Variants in ABCA4 observed in about 807,000 individuals in gnomAD.
ABCA4 encodes the protein ATP binding cassette subfamily A member 4, also known as retinal-specific phospholipid-transporting ATPase ABCA4.
ABCA4 carries 196 observed loss-of-function variants against 263.7 expected under a neutral mutation model. The observed-to-expected ratio is 0.74, with a 90% CI of 0.66 to 0.84. The LOEUF (loss-of-function observed/expected upper bound fraction) is 0.84, where lower values mean the gene tolerates loss of function less well. Ranked by LOEUF, ABCA4 falls within the 40% of genes least tolerant of loss-of-function variation. The pLI is 0.00. For synonymous variants in ABCA4, 1,133 were observed against 1,094.2 expected (o/e 1.04, Z -0.70); for missense variants, 2,792 against 2,855.1 (o/e 0.98, Z 0.50).
chr1:94,032,530 G>A (rs1009789195), intron 26 of ABCA4, among the ~76,000 whole-genome samples: 2 of 152,114 alleles, frequency 1.3e-5, no homozygotes, highest in African/African-American at 4.8e-5. Flanking sequence ...CAACTACTCG[G>A]GAGGCTGAGG....
chr1:94,095,517 A>C (rs1348279548), intron 6 of ABCA4, among the ~76,000 whole-genome samples: 3 of 152,182 alleles, frequency 2.0e-5, no homozygotes, highest in Non-Finnish European at 2.9e-5. Flanking sequence ...CCCGCACTGC[A>C]GCTAAGCATG....
chr1:94,010,759 C>T, intron 40 of ABCA4, 41 bp downstream of exon 40: 1 of 1,614,010 alleles, frequency 6.2e-7, no homozygotes, highest in Non-Finnish European at 8.5e-7. Flanking sequence ...GTTCTGGATG[C>T]CCTGAGCTGC....
At chr1:94,046,084 TA>T (rs2101055438) in intron 19 of ABCA4, 1 of 379,592 alleles carries the variant, frequency 2.6e-6, no homozygotes, top group Non-Finnish European at 5.2e-6. Context: ...GAACGACCAC[TA>T]ACCCTCATCA....
In ABCA4 at chr1:94,060,779, G is replaced by A; in HGVS notation, c.1938-20C>T. On this transcript the variant is annotated intron_variant, in intron 13 of 49. Transcript: ENST00000370225. ...ATGAAACTAAAGCAAAAGGAGAGAA[G>A]CAGAATAGTAGAGTGCTCTGTACCT... 1 of 1,571,682 alleles carries A rather than the reference G, an allele frequency of 6.4e-7. No individual in the cohort carries two copies.
In ABCA4 at chr1:94,084,046, A is replaced by G. The variant is rs115889731; in HGVS notation, c.769-605T>C. Among the ~76,000 whole-genome samples the G allele has an allele frequency of 3.6e-3, 542 of 152,328 alleles. 2 individuals carry two copies. The highest frequency in any genetic ancestry group is 5.8e-3 in the South Asian group (28 of 4,830). On this transcript the variant is annotated intron_variant, in intron 6 of 49. Transcript: ENST00000370225. ...AGCAGTGTTCAGGAAACCCCAGCCC[A>G]TGTGAACTCACCACTGCTCCTGCTT...
At chr1:94,115,494 G>A (rs1662734762) in intron 1 of ABCA4, among the ~76,000 whole-genome samples, 1 of 152,138 alleles carries the variant, frequency 6.6e-6, no homozygotes. Context: ...TCAGGGTTAA[G>A]AGAAGGTTAC....
intron 23 of ABCA4, among the ~76,000 whole-genome samples, chr1:94,040,365 G>C (rs180872332): frequency 2.0e-5 from 3 of 152,130 alleles, no homozygotes; most frequent in African/African-American, 7.2e-5. Flanking sequence ...AACCTCCAAG[G>C]GTCCCTTTGG....
chr1:94,015,743 A>C lies in ABCA4; in HGVS notation c.5308T>G (p.Tyr1770Asp), dbSNP rs1195430987. The C allele has an allele frequency of 6.2e-7, 1 of 1,613,642 alleles. No homozygotes were observed. Among genetic ancestry groups the C allele is most frequent in the Non-Finnish European group, 8.5e-7 (1 of 1,179,784 alleles). Residue 1770 changes from tyrosine (Y) to aspartate (D), a missense_variant, in exon 37 of 50, where the codon TAT (tyrosine) becomes GAT (aspartate). By Grantham distance (160) the Tyr-to-Asp change is radical (BLOSUM62 -3). Transcript: ENST00000370225. ...CTAATGGCCCAAACGGCTTACCCAT[A>C]CAGCAGGAGCAGTGCCACAAGGGCA... ...LPALVALLLL[Y>D]GWAVIPMMYP...
At chr1:94,120,377 A>G (rs1662915819) in intron 1 of ABCA4, among the ~76,000 whole-genome samples, 2 of 152,184 alleles carry the variant, frequency 1.3e-5, no homozygotes, top group South Asian at 4.1e-4. Context: ...TTAATAACGT[A>G]TTGCATCTCA....
At chr1:94,002,847 T>C (rs1407285976) in intron 44 of ABCA4, among the ~76,000 whole-genome samples, 1 of 152,002 alleles carries the variant, frequency 6.6e-6, no homozygotes, top group Non-Finnish European at 1.5e-5. Flanking sequence ...ACTGGATATT[T>C]TACCTATTTA....
chr1:94,040,653 A>G (rs1557777082), intron 23 of ABCA4, among the ~76,000 whole-genome samples: 2 of 152,230 alleles, frequency 1.3e-5, no homozygotes, highest in African/African-American at 4.8e-5. Flanking sequence ...TGAAGAAGAA[A>G]AAAATACTAA....
intron 14 of ABCA4, chr1:94,059,387 T>G (rs570520654): frequency 6.6e-6 from 1 of 152,296 alleles, no homozygotes; most frequent in South Asian, 2.1e-4. Context: ...ACCTTAGCAT[T>G]TGTCTTGTTA....
chr1:94,007,830 G>T, intron 42 of ABCA4, 90 bp from the exon 43 acceptor site: 1 of 1,276,720 alleles, frequency 7.8e-7, no homozygotes, highest in Non-Finnish European at 1.1e-6. Flanking sequence ...TGAGCTGGGG[G>T]AGGAATTTTA....
rs145614671 is a variant in ABCA4 at position 94,077,784 on chromosome 1, C to G, written c.1460G>C (p.Arg487Pro). The G allele has an allele frequency of 9.9e-6, 16 of 1,614,034 alleles. No individual in the cohort carries two copies. In the African/African-American group the frequency reaches 1.9e-4, roughly 19 times the overall value. Residue 487 changes from arginine (R) to proline (P), a missense_variant, in exon 11 of 50, where the codon CGG becomes CCG. Transcript: ENST00000370225. ...GGCCATGTCGTCAGCCTGGCTTTCC[C>G]GAGGGCCCTTGTAGAGGAAGTTTAG... ...AILNFLYKGP[R>P]ESQADDMANF...
intron 15 of ABCA4, 37 bp from the exon 16 acceptor site, chr1:94,055,352 T>C (rs1279381074): frequency 1.2e-6 from 2 of 1,603,512 alleles, no homozygotes; most frequent in South Asian, 1.1e-5. Context: ...AAAAGAGCAG[T>C]GCCTTTTATC....
intron 6 of ABCA4, among the ~76,000 whole-genome samples, chr1:94,094,979 G>T (rs949659860): frequency 6.6e-6 from 1 of 152,234 alleles, no homozygotes; most frequent in South Asian, 2.1e-4. Context: ...GTGAAGACAA[G>T]CTCCTTCAGG....
chr1:94,081,107 C>A (rs879520430), intron 7 of ABCA4, among the ~76,000 whole-genome samples: 1 of 152,078 alleles, frequency 6.6e-6, no homozygotes, highest in Non-Finnish European at 1.5e-5. Flanking sequence ...CCCCTGTACT[C>A]CCAGCTATTC....
At chr1:93,993,575 C>T (rs1025380942) in intron 49 of ABCA4, among the ~76,000 whole-genome samples, 3 of 151,942 alleles carry the variant, frequency 2.0e-5, no homozygotes, top group African/African-American at 7.3e-5. Context: ...GCTTTTTTAG[C>T]TTAAGAAAGT....
At chr1:94,046,016 T>C (rs1570376451) in intron 19 of ABCA4, 3 of 450,136 alleles carry the variant, frequency 6.7e-6, no homozygotes, top group South Asian at 4.7e-5. Flanking sequence ...GACCTTCTGT[T>C]ACCAGGCGGT....
Sources: allele counts gnomAD v4.1 joint callset (sites outside exome capture counted in the v4.1 genomes callset), GRCh38; gene constraint gnomAD v4.1.1; transcripts MANE v1.5; gene names NCBI Gene and HGNC (gene_info 2026-07-23, HGNC 2026-07-21).